Variants in ATXN1 observed in about 807,000 individuals in gnomAD.
ATXN1 encodes the protein ataxin 1, also known as ataxin-1.
Under a neutral mutation model 56.4 loss-of-function variants are expected in ATXN1, and 8 were observed. That is an observed-to-expected ratio of 0.14 (90% CI 0.08 to 0.26). ATXN1 has a LOEUF of 0.26. ATXN1 is among the 10% of genes least tolerant of loss of function. The probability of loss-of-function intolerance (pLI) is 1.00; values close to 1 mark genes in which losing one functional copy is unlikely to be tolerated. For missense variants in ATXN1, 987 were observed against 1,106.5 expected (o/e 0.89, Z 1.53); for synonymous variants, 514 against 494.6 (o/e 1.04, Z -0.52).
In ATXN1 at chr6:16,456,222, T is replaced by A. The variant is rs571983477; in HGVS notation, c.-161+29750A>T. Among the ~76,000 whole-genome samples, 4 of 152,226 alleles carry A rather than the reference T, an allele frequency of 2.6e-5. No homozygotes were observed. In the South Asian group the frequency reaches 8.3e-4, roughly 32 times the overall value. ...TTCTTGAAGTCAGCGAGACCATGAA[T>A]CCACCGGCTGGAACCAACTCTGGAC... On this transcript the variant is annotated intron_variant, in intron 6 of 7. Coordinates refer to ENST00000436367, the MANE Select transcript of ATXN1 (RefSeq NM_001128164.2).
chr6:16,394,418 C>T (rs1561879148), intron 6 of ATXN1, among the ~76,000 whole-genome samples: 1 of 151,962 alleles, frequency 6.6e-6, no homozygotes, highest in Non-Finnish European at 1.5e-5. Context: ...TCATTTTATT[C>T]CATTGTTAAT....
At chr6:16,703,758 G>T (rs1366916857) in intron 2 of ATXN1, among the ~76,000 whole-genome samples, 1 of 152,224 alleles carries the variant, frequency 6.6e-6, no homozygotes, top group Non-Finnish European at 1.5e-5. Context: ...AGTGGCTCAC[G>T]ACTGTAATCC....
At chr6:16,483,108 A>T (rs901382560) in intron 6 of ATXN1, among the ~76,000 whole-genome samples, 5 of 152,176 alleles carry the variant, frequency 3.3e-5, no homozygotes, top group Admixed American at 6.5e-5. Context: ...TGTCAGCATC[A>T]TTCTCTTCTT....
At chr6:16,690,791 G>C (rs1038555937) in intron 2 of ATXN1, among the ~76,000 whole-genome samples, 2 of 152,200 alleles carry the variant, frequency 1.3e-5, no homozygotes, top group African/African-American at 4.8e-5. Context: ...AATGTAGTCA[G>C]TGCTGCCTGG....
At chr6:16,551,052 G>C (rs1386240808) in intron 4 of ATXN1, among the ~76,000 whole-genome samples, 1 of 152,122 alleles carries the variant, frequency 6.6e-6, no homozygotes, top group East Asian at 1.9e-4. Context: ...TTTCAGAGGG[G>C]ATAATTCAAC....
intron 6 of ATXN1, among the ~76,000 whole-genome samples, chr6:16,441,771 C>T (rs1249264481): frequency 6.6e-6 from 1 of 151,932 alleles, no homozygotes; most frequent in Non-Finnish European, 1.5e-5. Context: ...GGAATACATA[C>T]AACAGATAAT....
At chr6:16,402,093 A>T (rs757930908) in intron 6 of ATXN1, among the ~76,000 whole-genome samples, 3 of 152,010 alleles carry the variant, frequency 2.0e-5, no homozygotes, top group Non-Finnish European at 4.4e-5. Flanking sequence ...CATGGGAAAG[A>T]CCTGCCCCCC....
At chr6:16,430,343 A>G (rs921446136) in intron 6 of ATXN1, among the ~76,000 whole-genome samples, 6 of 152,278 alleles carry the variant, frequency 3.9e-5, no homozygotes, top group Middle Eastern at 3.4e-3. Context: ...AGGAAAAAAA[A>G]AAAAAGAAAG....
intron 6 of ATXN1, among the ~76,000 whole-genome samples, chr6:16,474,543 G>T (rs1459989587): frequency 2.0e-5 from 3 of 152,212 alleles, no homozygotes; most frequent in Admixed American, 6.5e-5. Context: ...ACAATCATAA[G>T]ATTGTGGTCT....
At chr6:16,613,176 A>T (rs1050587703) in intron 3 of ATXN1, among the ~76,000 whole-genome samples, 2 of 148,310 alleles carry the variant, frequency 1.3e-5, no homozygotes, top group African/African-American at 4.9e-5. Flanking sequence ...GAGGCAGGAG[A>T]ATGGCGTGAA....
chr6:16,585,660 C>T (rs1296362623), intron 4 of ATXN1, 120 bp downstream of exon 4: 2 of 152,180 alleles, frequency 1.3e-5, no homozygotes, highest in Non-Finnish European at 2.9e-5. Context: ...CATGAATAGA[C>T]ATGTGTATGT....
At chr6:16,364,324 G>A (rs112359289) in intron 6 of ATXN1, among the ~76,000 whole-genome samples, 7 of 143,674 alleles carry the variant, frequency 4.9e-5, no homozygotes, top group Non-Finnish European at 1.1e-4. Context: ...TTTTTTTTTG[G>A]AGATGGAGGC....
At chr6:16,651,467 C>T (rs983938577) in intron 3 of ATXN1, among the ~76,000 whole-genome samples, 8 of 150,780 alleles carry the variant, frequency 5.3e-5, no homozygotes, top group African/African-American at 2.0e-4. Flanking sequence ...TCCCTTGAAC[C>T]TGGGAAGCAG....
chr6:16,742,379 G>A (rs2113511868), intron 2 of ATXN1, among the ~76,000 whole-genome samples: 1 of 152,284 alleles, frequency 6.6e-6, no homozygotes, highest in South Asian at 2.1e-4. Context: ...TGGACACAGA[G>A]CCTGGAAAAG....
chr6:16,724,691 G>A (rs985360206), intron 2 of ATXN1, among the ~76,000 whole-genome samples: 14 of 152,170 alleles, frequency 9.2e-5, no homozygotes, highest in Non-Finnish European at 1.5e-4. Context: ...GAGGAATGAC[G>A]CCTTAATTTT....
chr6:16,473,946 C>T (rs1457776837), intron 6 of ATXN1, among the ~76,000 whole-genome samples: 1 of 152,196 alleles, frequency 6.6e-6, no homozygotes, highest in Non-Finnish European at 1.5e-5. Context: ...ACCACCTAAC[C>T]ATGTCTCTAC....
intron 6 of ATXN1, among the ~76,000 whole-genome samples, chr6:16,397,870 C>T (rs1178539378): frequency 6.6e-6 from 1 of 152,202 alleles, no homozygotes; most frequent in Non-Finnish European, 1.5e-5. Flanking sequence ...TCCTTCACCA[C>T]GGCCACAGAA....
At chr6:16,697,004 C>A (rs1759178927) in intron 2 of ATXN1, among the ~76,000 whole-genome samples, 1 of 152,194 alleles carries the variant, frequency 6.6e-6, no homozygotes, top group Admixed American at 6.5e-5. Flanking sequence ...GTTGGCGAGG[C>A]TTGCTCACTC....
At chr6:16,458,305 G>A (rs1289849179) in intron 6 of ATXN1, among the ~76,000 whole-genome samples, 1 of 152,152 alleles carries the variant, frequency 6.6e-6, no homozygotes, top group Non-Finnish European at 1.5e-5. Flanking sequence ...TTAGGAAAAA[G>A]CCCATGAATT....
Sources: allele counts gnomAD v4.1 joint callset (sites outside exome capture counted in the v4.1 genomes callset), GRCh38; gene constraint gnomAD v4.1.1; transcripts MANE v1.5; gene names NCBI Gene and HGNC (gene_info 2026-07-23, HGNC 2026-07-21).